Variants in HTT observed in about 807,000 individuals in gnomAD.
HTT encodes the protein huntington disease protein.
HTT carries 104 observed loss-of-function variants against 362.3 expected under a neutral mutation model. The ratio of observed to expected loss-of-function variants is 0.29; its 90% CI spans 0.24 to 0.34. The LOEUF (loss-of-function observed/expected upper bound fraction) is 0.34. Among genes scored for constraint, HTT ranks in the 10% least tolerant of loss-of-function variants. The probability of loss-of-function intolerance (pLI) is 1.00; values close to 1 mark genes in which losing one functional copy is unlikely to be tolerated. For synonymous variants in HTT, 1,577 were observed against 1,548.7 expected (o/e 1.02, Z -0.43); for missense variants, 3,301 against 3,928.6 (o/e 0.84, Z 4.27).
Position 3,206,354 on chromosome 4 carries a change from G to T in HTT, c.5719-142G>T. On this transcript the variant is annotated intron_variant, in intron 42 of 66. Coordinates refer to ENST00000355072, the MANE Select transcript of HTT (RefSeq NM_001388492.1). The surrounding 1 kb of genome is among the most constrained non-coding windows in gnomAD (Gnocchi z 4.6). ...GTTTCCTACCTCCTCAATTATTTGT[G>T]CTCATACACTGTATATTTTTAGTGA... 1 of 652,250 alleles carries T rather than the reference G, an allele frequency of 1.5e-6. No individual in the cohort carries two copies. Among genetic ancestry groups the T allele is most frequent in the Non-Finnish European group, 2.6e-6 (1 of 380,120 alleles). 40.4% of individuals were successfully genotyped at this position (652,250 alleles called of 1,614,324 possible). A position where few individuals can be genotyped will look rare whatever the true frequency, so the allele number is the denominator to read the frequency against.
At chr4:3,210,832 C>G (rs1293694769) in intron 47 of HTT, among the ~76,000 whole-genome samples, 1 of 151,622 alleles carries the variant, frequency 6.6e-6, no homozygotes, top group Non-Finnish European at 1.5e-5. Flanking sequence ...ACAGTGTGTT[C>G]TGATGTACTG....
At chr4:3,158,340 C>T (rs887704119) in intron 28 of HTT, among the ~76,000 whole-genome samples, 7 of 152,176 alleles carry the variant, frequency 4.6e-5, no homozygotes, top group Middle Eastern at 3.2e-3. Context: ...ATCAGTTCCC[C>T]TGTTGTTCTT....
intron 1 of HTT, 154 bp downstream of exon 1, chr4:3,075,242 C>A: frequency 1.8e-6 from 1 of 550,444 alleles, no homozygotes; most frequent in Non-Finnish European, 2.3e-6. Context: ...GGGACACCCG[C>A]CCCCTCCTGG....
chr4:3,121,355 G>A lies in HTT; in HGVS notation c.1196G>A (p.Gly399Glu). ...CTTCTGCAAACCCTGACCGCAGTCGGGGGCATTGGGCAGCTCACCGCTGCT... is the reference window on the plus strand; with the variant it reads ...CTTCTGCAAACCCTGACCGCAGTCGAGGGCATTGGGCAGCTCACCGCTGCT... ...PELLQTLTAV[G>E]GIGQLTAAKE... The change falls in exon 9 of 67, where the codon GGG (glycine) becomes GAG (glutamate). Residue 399 changes from glycine to glutamate, a missense_variant. Gly to Glu is a moderately conservative substitution (Grantham distance 98). Coordinates refer to ENST00000355072, the MANE Select transcript of HTT (RefSeq NM_001388492.1). 1 of 1,614,180 alleles carries A rather than the reference G, an allele frequency of 6.2e-7. No individual in the cohort carries two copies. Among genetic ancestry groups the A allele is most frequent in the Non-Finnish European group, 8.5e-7 (1 of 1,180,016 alleles).
intron 53 of HTT, among the ~76,000 whole-genome samples, chr4:3,221,972 G>A (rs1056435416): frequency 6.6e-6 from 1 of 152,382 alleles, no homozygotes; most frequent in African/African-American, 2.4e-5. Context: ...CCACAGAGTT[G>A]TGCAGCCAGC....
At chr4:3,203,938 CT>C in intron 41 of HTT, 68 bp from the exon 42 acceptor site, 1 of 1,459,346 alleles carries the variant, frequency 6.9e-7, no homozygotes, top group Non-Finnish European at 9.6e-7. Flanking sequence ...ACATAATCAT[CT>C]TCAGTATTTT....
intron 6 of HTT, among the ~76,000 whole-genome samples, chr4:3,108,977 G>A (rs192753814): frequency 1.5e-3 from 227 of 152,044 alleles, no homozygotes; most frequent in Middle Eastern, 3.4e-3. Context: ...GAGCCCAGGA[G>A]TTGGAGTTCG....
rs1385041201 is a variant in HTT, at chr4:3,140,614, A to T, written c.2903A>T (p.Glu968Val). The change falls in exon 22 of 67, where the codon GAG (glutamate) becomes GTG (valine). Residue 968 changes from glutamate to valine, a missense_variant. Glu to Val is a moderately radical substitution (Grantham distance 121, BLOSUM62 -2). Transcript: ENST00000355072. Reference protein sequence around the residue: ...SSVYLKLLMHETQPPSHFSVS... With the variant: ...SSVYLKLLMHVTQPPSHFSVS... ...GTTTACCTGAAACTTCTCATGCATGAGACGCAGCCTCCATCTCATTTCTCC... is the reference window on the plus strand; with the variant it reads ...GTTTACCTGAAACTTCTCATGCATGTGACGCAGCCTCCATCTCATTTCTCC... 1 of 1,614,210 alleles carries T rather than the reference A, an allele frequency of 6.2e-7. No individual in the cohort carries two copies. The highest frequency in any genetic ancestry group is 1.3e-5 in the African/African-American group (1 of 75,080).
chr4:3,125,499 A>C (rs759906824), intron 10 of HTT, 50 bp from the exon 11 acceptor site: 13 of 1,188,420 alleles, frequency 1.1e-5, no homozygotes, highest in Non-Finnish European at 1.6e-5. Flanking sequence ...TTAATTTTGA[A>C]GTCCTTATTT....
At position 3,135,886 on chromosome 4, in the gene HTT, A is replaced by C; in HGVS notation, c.2634-18A>C. The stretch of plus-strand genomic sequence containing the variant: ...GAGTAACTAAATGATTTCATTGTTA[A>C]ATGTGCTCTTTTGTTAGGCTGGTGA... On this transcript the variant is annotated intron_variant, in intron 19 of 66. Coordinates refer to ENST00000355072, the MANE Select transcript of HTT (RefSeq NM_001388492.1). 6.3e-7 allele frequency: 1 copy of C among 1,587,370 alleles called. No individual in the cohort carries two copies. Among genetic ancestry groups the C allele is most frequent in the Non-Finnish European group, 8.6e-7 (1 of 1,169,138 alleles).
At chr4:3,201,806 T>A (rs1719588047) in intron 41 of HTT, among the ~76,000 whole-genome samples, 1 of 152,192 alleles carries the variant, frequency 6.6e-6, no homozygotes, top group Non-Finnish European at 1.5e-5. Context: ...GAGTATCTTT[T>A]TATTTCCATG....
At chr4:3,088,188 G>GTT (rs1351334116) in intron 2 of HTT, among the ~76,000 whole-genome samples, 23 of 100,026 alleles carry the variant, frequency 2.3e-4, no homozygotes, top group African/African-American at 2.6e-4. Flanking sequence ...TTTCACTTTT[G>GTT]TTTTTTTTTT....
In HTT at chr4:3,148,224, G is replaced by T. The variant is rs1393118328; in HGVS notation, c.3498+17G>T. 1 of 1,536,538 alleles carries T rather than the reference G, an allele frequency of 6.5e-7. No individual in the cohort carries two copies. The highest frequency in any genetic ancestry group is 8.8e-7 in the Non-Finnish European group (1 of 1,135,550). ...GCAATAAAGGTAATGTCCCACTTGG[G>T]TGCTGGATTCATACAGCCTTAATGA... On this transcript the variant is annotated intron_variant, in intron 26 of 66. Transcript: ENST00000355072.
intron 4 of HTT, 21 bp downstream of exon 4, chr4:3,103,904 T>C: frequency 3.3e-6 from 5 of 1,504,352 alleles, no homozygotes; most frequent in Middle Eastern, 1.7e-4. Flanking sequence ...CTTTTCTTTT[T>C]TAAAAATGTT....
chr4:3,151,704 C>A (rs1240548389), intron 26 of HTT, among the ~76,000 whole-genome samples: 1 of 152,140 alleles, frequency 6.6e-6, no homozygotes, highest in African/African-American at 2.4e-5. Context: ...CGAAACCATC[C>A]CCCGCCAACC....
At chr4:3,236,728 C>CT (rs908800804) in intron 64 of HTT, among the ~76,000 whole-genome samples, 1 of 152,188 alleles carries the variant, frequency 6.6e-6, no homozygotes, top group African/African-American at 2.4e-5. Context: ...ACACATGCAT[C>CT]TTTGAGACCC....
chr4:3,189,350 G>C (rs902940639), intron 40 of HTT, among the ~76,000 whole-genome samples: 4 of 152,184 alleles, frequency 2.6e-5, no homozygotes, highest in Non-Finnish European at 4.4e-5. Context: ...CATTATTCAC[G>C]ATAGCTAAAA....
intron 26 of HTT, among the ~76,000 whole-genome samples, chr4:3,153,712 T>C (rs1311668792): frequency 6.6e-6 from 1 of 152,014 alleles, no homozygotes; most frequent in African/African-American, 2.4e-5. Context: ...CACTGGAGCT[T>C]GGAGTTCGAG....
chr4:3,196,825 A>T (rs1719279058), intron 40 of HTT, among the ~76,000 whole-genome samples: 1 of 151,854 alleles, frequency 6.6e-6, no homozygotes, highest in African/African-American at 2.4e-5. Context: ...CTGCTCTTTT[A>T]CACTTAACAG....
Sources: allele counts gnomAD v4.1 joint callset (sites outside exome capture counted in the v4.1 genomes callset), GRCh38; gene constraint gnomAD v4.1.1; non-coding constraint Gnocchi (gnomAD v3.1); transcripts MANE v1.5; gene names NCBI Gene and HGNC (gene_info 2026-07-23, HGNC 2026-07-21).